ATXN7: variants seen among roughly 807,000 people sequenced by gnomAD.
The protein encoded by ATXN7 is ataxin-7.
Under a neutral mutation model 70.5 loss-of-function variants are expected in ATXN7, and 12 were observed. The ratio of observed to expected loss-of-function variants is 0.17; its 90% CI spans 0.11 to 0.28. ATXN7 has a LOEUF of 0.28. Ranked by LOEUF, ATXN7 falls within the 10% of genes least tolerant of loss-of-function variation. The pLI, the probability that ATXN7 is intolerant of heterozygous loss-of-function variation, is 1.00. For missense variants in ATXN7, 1,256 were observed against 1,131.7 expected (o/e 1.11, Z -1.58); for synonymous variants, 498 against 448.7 (o/e 1.11, Z -1.39).
At chr3:63,966,430 T>C (rs1261472774) in intron 5 of ATXN7, among the ~76,000 whole-genome samples, 1 of 152,170 alleles carries the variant, frequency 6.6e-6, no homozygotes, top group Non-Finnish European at 1.5e-5. Flanking sequence ...TATTTTCGCT[T>C]ATGAGCTTTT....
At chr3:63,884,441 T>TCAG (rs1703018785) in intron 1 of ATXN7, among the ~76,000 whole-genome samples, 2 of 152,114 alleles carry the variant, frequency 1.3e-5, no homozygotes, top group Non-Finnish European at 2.9e-5. Context: ...ATATATATTT[T>TCAG]TAAAGGCTCA....
intron 4 of ATXN7, among the ~76,000 whole-genome samples, chr3:63,935,220 C>A (rs533230515): frequency 1.5e-4 from 23 of 152,258 alleles, no homozygotes; most frequent in African/African-American, 4.3e-4. Context: ...AGATCACTTA[C>A]GGCGATTCCT....
At chr3:63,910,893 C>T (rs1290613655) in intron 2 of ATXN7, among the ~76,000 whole-genome samples, 2 of 152,024 alleles carry the variant, frequency 1.3e-5, no homozygotes, top group South Asian at 4.1e-4. Context: ...GAACCCCAAA[C>T]CCTCTCTAGC....
At chr3:63,926,462 G>A (rs189162244) in intron 4 of ATXN7, among the ~76,000 whole-genome samples, 14 of 152,314 alleles carry the variant, frequency 9.2e-5, no homozygotes, top group Admixed American at 5.2e-4. Flanking sequence ...TGAAGTCTCT[G>A]GTTGGAGAAG....
intron 4 of ATXN7, among the ~76,000 whole-genome samples, chr3:63,932,674 G>C (rs2074569683): frequency 6.6e-6 from 1 of 152,118 alleles, no homozygotes; most frequent in African/African-American, 2.4e-5. Flanking sequence ...TCCCTGTGTA[G>C]GTACACTTTC....
chr3:63,902,907 T>A (rs924810769), intron 2 of ATXN7, among the ~76,000 whole-genome samples: 2 of 152,218 alleles, frequency 1.3e-5, no homozygotes, highest in African/African-American at 4.8e-5. Context: ...TATAAAACTA[T>A]GTTGATAAAA....
intron 4 of ATXN7, among the ~76,000 whole-genome samples, chr3:63,920,672 CAT>C (rs1208435848): frequency 1.3e-5 from 2 of 151,982 alleles, no homozygotes; most frequent in Non-Finnish European, 2.9e-5. Flanking sequence ...TCTTTTATAA[CAT>C]TTTTTCTTTG....
chr3:63,998,418 G>A, intron 12 of ATXN7: 1 of 985,038 alleles, frequency 1.0e-6, no homozygotes, highest in Non-Finnish European at 1.2e-6. Flanking sequence ...TCTTAAATCT[G>A]GTATAGCCTA....
chr3:63,934,049 T>G (rs148037805), intron 4 of ATXN7, among the ~76,000 whole-genome samples: 37 of 152,226 alleles, frequency 2.4e-4, no homozygotes, highest in Non-Finnish European at 4.7e-4. Flanking sequence ...AAGCTACTTA[T>G]GTTCATCATT....
chr3:63,987,988 G>A (rs1385739610), intron 8 of ATXN7, 71 bp from the exon 9 acceptor site: 4 of 1,566,078 alleles, frequency 2.6e-6, no homozygotes, highest in South Asian at 2.3e-5. Flanking sequence ...TGGGAGTGGT[G>A]TTTTGGGATA....
intron 2 of ATXN7, among the ~76,000 whole-genome samples, chr3:63,906,680 A>G (rs1425537376): frequency 6.6e-6 from 1 of 152,216 alleles, no homozygotes; most frequent in Admixed American, 6.5e-5. Context: ...GAATTTGTGG[A>G]AGAACTTTGA....
rs1229074476 is a variant in ATXN7 at position 63,980,055 on chromosome 3, G to A, written c.640G>A (p.Ala214Thr). 24 of 1,614,040 alleles carry A rather than the reference G, an allele frequency of 1.5e-5. No homozygotes were observed. Among genetic ancestry groups the A allele is most frequent in the Admixed American group, 5.0e-5 (3 of 60,004 alleles). ...NRSSSGGVLS[A>T]SSSSSKLLKS... ...TTCTTCCAGTGGAGGTGTTCTTAGC[G>A]CATCCTCATCAAGTTCCAAGTTGTT... The change falls in exon 6 of 13, where the codon GCA (alanine) becomes ACA (threonine). Residue 214 changes from alanine (A) to threonine (T), a missense_variant. Ala to Thr is a moderately conservative substitution (Grantham distance 58). Transcript: ENST00000674280.
intron 10 of ATXN7, 57 bp downstream of exon 10, chr3:63,990,431 T>A (rs968528108): frequency 5.0e-6 from 8 of 1,592,704 alleles, no homozygotes; most frequent in Admixed American, 1.7e-5. Context: ...GACAGGGCAC[T>A]GCAGGGGGGC....
Position 63,876,098 on chromosome 3 carries a change from AGTTT to A in ATXN7, c.-111+11949_-111+11952del, listed in dbSNP as rs567098171. Among the ~76,000 whole-genome samples the A allele has an allele frequency of 1.4e-4, 21 of 152,116 alleles. No individual in the cohort carries two copies. The South Asian group carries it at 2.7e-3, about 20-fold the overall frequency. ...AACTATTTTTTCCTCTTGCATTTTT[AGTTT>A]GTTTGTTTTTTGTCTTATGGTTTTT... is the stretch of plus-strand genomic sequence containing the variant. On this transcript the variant is annotated intron_variant, in intron 1 of 12. Transcript: ENST00000674280.
At chr3:63,986,207 G>A (rs960603031) in intron 8 of ATXN7, among the ~76,000 whole-genome samples, 4 of 152,290 alleles carry the variant, frequency 2.6e-5, no homozygotes, top group East Asian at 1.9e-4. Flanking sequence ...ACAGAAAGAG[G>A]GAAGAAGAGG....
At chr3:63,898,984 CCAGGCTGA>C (rs944636347) in intron 2 of ATXN7, among the ~76,000 whole-genome samples, 9 of 152,174 alleles carry the variant, frequency 5.9e-5, no homozygotes, top group Admixed American at 5.9e-4. Context: ...TTGCCTTTGC[CCAGGCTGA>C]CAGACAGCTC....
intron 1 of ATXN7, among the ~76,000 whole-genome samples, chr3:63,875,198 C>T (rs953526847): frequency 1.3e-5 from 2 of 152,056 alleles, no homozygotes; most frequent in Non-Finnish European, 2.9e-5. Context: ...GCAAGTGATT[C>T]TCCCACCTCA....
rs895696360 is a variant in ATXN7 at position 63,982,977 on chromosome 3, G to T, written c.1051G>T (p.Asp351Tyr). 3 of 1,613,932 alleles carry T rather than the reference G, an allele frequency of 1.9e-6. No homozygotes were observed. In the African/African-American group the frequency reaches 4.0e-5, roughly 22 times the overall value. The change falls in exon 8 of 13, where the codon GAT (aspartate) becomes TAT (tyrosine). Residue 351 changes from aspartate (D) to tyrosine (Y), a missense_variant. Asp to Tyr is a radical substitution (Grantham distance 160). Coordinates refer to ENST00000674280, the MANE Select transcript of ATXN7 (RefSeq NM_001377405.1). ...TCCTGACATCCACTGTGGGGTTATT[G>T]ATCTCGACACCAAGAAGCCCTGCAC... ...FDPDIHCGVI[D>Y]LDTKKPCTRS...
chr3:63,866,072 G>C (rs998234257), intron 1 of ATXN7, among the ~76,000 whole-genome samples: 3 of 151,826 alleles, frequency 2.0e-5, no homozygotes, highest in African/African-American at 7.3e-5. Flanking sequence ...TTAAATTTTC[G>C]TGAGATACTC....
Sources: gnomAD v4.1 joint callset for allele counts (sites outside exome capture counted in the v4.1 genomes callset) on GRCh38, gnomAD v4.1.1 for gene constraint, MANE v1.5 for transcripts, NCBI Gene and HGNC (gene_info 2026-07-23, HGNC 2026-07-21) for gene names.